The following TNRC6B variants were observed in gnomAD, a reference collection of about 807,000 sequenced individuals.
TNRC6B encodes trinucleotide repeat-containing gene 6B protein.
Under a neutral mutation model 203.6 loss-of-function variants are expected in TNRC6B, and 52 were observed. The ratio of observed to expected loss-of-function variants is 0.26; its 90% CI spans 0.20 to 0.32. The LOEUF is 0.32. Ranked by LOEUF, TNRC6B falls within the 10% of genes least tolerant of loss-of-function variation. The pLI, the probability that TNRC6B is intolerant of heterozygous loss-of-function variation, is 1.00. For missense variants in TNRC6B, 1,923 were observed against 2,286.2 expected, an observed-to-expected ratio of 0.84 and a Z score of 3.24; for synonymous variants, 838 against 845.7, an observed-to-expected ratio of 0.99 and a Z score of 0.16.
intron 3 of TNRC6B, among the ~76,000 whole-genome samples, chr22:40,253,221 A>T (rs2070220101): frequency 6.7e-6 from 1 of 148,390 alleles, no homozygotes; most frequent in Non-Finnish European, 1.5e-5. Context: ...AGCTGGGACT[A>T]CAGGCACCCG....
chr22:40,311,498 G>A (rs912835323), intron 17 of TNRC6B, among the ~76,000 whole-genome samples: 17 of 151,616 alleles, frequency 1.1e-4, no homozygotes, highest in African/African-American at 3.9e-4. Flanking sequence ...CTGTGCATGC[G>A]TATTTGTGAC....
At chr22:40,175,229 T>C (rs534705816), upstream of TNRC6B, among the ~76,000 whole-genome samples, 1 of 151,748 alleles carries the variant, frequency 6.6e-6, no homozygotes, top group East Asian at 1.9e-4. Flanking sequence ...TGGTGGCATG[T>C]GTCTGTAATC....
intron 3 of TNRC6B, among the ~76,000 whole-genome samples, chr22:40,132,952 A>AT (rs2068562351): frequency 1.0e-5 from 1 of 96,180 alleles, no homozygotes; most frequent in African/African-American, 4.6e-5. Context: ...TCAAAAAAAA[A>AT]AAAAAAAAAA....
At chr22:40,278,067 G>T (rs889913531) in intron 9 of TNRC6B, 23 bp downstream of exon 9, 9 of 1,548,626 alleles carry the variant, frequency 5.8e-6, no homozygotes, top group Non-Finnish European at 7.9e-6. Context: ...CCGCTGAAAA[G>T]AATGGAGTAT....
intron 1 of TNRC6B, among the ~76,000 whole-genome samples, chr22:40,093,943 C>G (rs1188198421): frequency 1.3e-5 from 2 of 151,324 alleles, no homozygotes; most frequent in African/African-American, 2.5e-5. Flanking sequence ...TTCAAAATAA[C>G]TGGAAGAGTA....
chr22:40,069,754 C>T (rs946260191), intron 1 of TNRC6B, among the ~76,000 whole-genome samples: 3 of 152,196 alleles, frequency 2.0e-5, no homozygotes, highest in African/African-American at 7.2e-5. Flanking sequence ...CCCAAAAGTG[C>T]TGGGATTACA....
At chr22:40,242,733 T>G (rs2146466203) in intron 1 of TNRC6B, among the ~76,000 whole-genome samples, 1 of 151,046 alleles carries the variant, frequency 6.6e-6, no homozygotes, top group East Asian at 2.0e-4. Flanking sequence ...CCCGTCCCTA[T>G]TATTCTTAAT....
chr22:40,194,390 T>C (rs1374480560), intron 1 of TNRC6B, among the ~76,000 whole-genome samples: 1 of 152,184 alleles, frequency 6.6e-6, no homozygotes, highest in Non-Finnish European at 1.5e-5. Flanking sequence ...GCTGCTGAGC[T>C]TCTGTGCTTG....
In TNRC6B at chr22:40,324,135, A is replaced by G. The variant is rs747102102; in HGVS notation, c.*894A>G. ...CATTAAGATGAACAGAGTGCTTTTT[A>G]ATGATGAAAGCAGGGAGCTCCTTTC... On this transcript the variant is annotated 3_prime_UTR_variant, in exon 23 of 23. Coordinates refer to ENST00000454349, the MANE Select transcript of TNRC6B (RefSeq NM_001162501.2). 62 of 152,604 alleles carry G rather than the reference A, an allele frequency of 4.1e-4. No individual in the cohort carries two copies. Among genetic ancestry groups the G allele is most frequent in the African/African-American group, 1.5e-3 (61 of 41,432 alleles). 9.5% of individuals were successfully genotyped at this position (152,604 alleles called of 1,614,324 possible).
Position 40,298,839 on chromosome 22 carries a change from G to A in TNRC6B, c.3709-1616G>A, listed in dbSNP as rs377723008. On this transcript the variant is annotated intron_variant, in intron 12 of 22. Transcript: ENST00000454349. ...AAATTAGCCGGGCGCAGTGGCGGGC[G>A]CCTGTAGTCCCAGCTACTCGGGAGG... Among the ~76,000 whole-genome samples the A allele has an allele frequency of 1.4e-4, 22 of 152,170 alleles. No individual in the cohort carries two copies. The East Asian group carries it at 3.3e-3, about 23-fold the overall frequency.
chr22:40,099,852 G>A (rs930904438), intron 1 of TNRC6B, among the ~76,000 whole-genome samples: 2 of 151,330 alleles, frequency 1.3e-5, no homozygotes, highest in African/African-American at 2.4e-5. Context: ...TCGGGCTCAC[G>A]CCATTCTCCT....
intron 1 of TNRC6B, among the ~76,000 whole-genome samples, chr22:40,240,690 G>T (rs2070016345): frequency 1.3e-5 from 2 of 152,174 alleles, no homozygotes; most frequent in Admixed American, 6.5e-5. Context: ...TTTACATCTG[G>T]CTGTATATTT....
In TNRC6B at chr22:40,266,149, C is replaced by G. The variant is rs1213854747; in HGVS notation, c.1919C>G (p.Pro640Arg). 6.2e-7 allele frequency: 1 copy of G among 1,613,918 alleles called. No individual in the cohort carries two copies. The highest frequency in any genetic ancestry group is 1.1e-5 in the South Asian group (1 of 91,084). Residue 640 changes from proline to arginine, a missense_variant, in exon 5 of 23, where the codon CCA (proline) becomes CGA (arginine). Pro to Arg is a moderately radical substitution (Grantham distance 103). Transcript: ENST00000454349. ...QDTVWDIEEV[P>R]RPEGKSDKGT... ...ACAGTGTGGGACATTGAAGAGGTGC[C>G]AAGGCCTGAGGGGAAATCTGACAAA...
At chr22:40,074,201 C>T (rs1903536339) in intron 1 of TNRC6B, among the ~76,000 whole-genome samples, 1 of 145,272 alleles carries the variant, frequency 6.9e-6, no homozygotes, top group African/African-American at 2.6e-5. Context: ...CACTGCTCTC[C>T]AGCCTCGGTG....
intron 1 of TNRC6B, among the ~76,000 whole-genome samples, chr22:40,076,835 A>T (rs2068018623): frequency 6.6e-6 from 1 of 152,150 alleles, no homozygotes; most frequent in African/African-American, 2.4e-5. Context: ...GTATCTTTAA[A>T]GCCTTAAAAA....
At chr22:40,172,526 A>T (rs2069011355) in intron 4 of TNRC6B, among the ~76,000 whole-genome samples, 1 of 152,190 alleles carries the variant, frequency 6.6e-6, no homozygotes, top group Admixed American at 6.5e-5. Flanking sequence ...TGTAAAGCCT[A>T]TGTGGTCATA....
chr22:40,108,118 G>A (rs1441616424), intron 1 of TNRC6B, among the ~76,000 whole-genome samples: 1 of 152,148 alleles, frequency 6.6e-6, no homozygotes, highest in Non-Finnish European at 1.5e-5. Context: ...TTTGCAGTTA[G>A]TAAACACAGC....
rs1015110329 is a variant in TNRC6B at position 40,062,445 on chromosome 22, G to A, written c.-121+17447G>A. 7.9e-5 allele frequency among the ~76,000 whole-genome samples: 12 copies of A among 152,252 alleles called. No individual in the cohort carries two copies. The East Asian group carries it at 2.1e-3, about 27-fold the overall frequency. On this transcript the variant is annotated intron_variant, in intron 1 of 23. Coordinates refer to the TNRC6B transcript ENST00000301923. ...GCTGGTCTCAAACTCCTGACCTCAG[G>A]TGATCTGCCCATCTCGGCCTCCCAA...
intron 1 of TNRC6B, among the ~76,000 whole-genome samples, chr22:40,081,130 G>C (rs1021463107): frequency 6.6e-6 from 1 of 152,036 alleles, no homozygotes; most frequent in African/African-American, 2.4e-5. Flanking sequence ...CAAATTGCTG[G>C]GATTACAGGC....
Sources: gnomAD v4.1 joint callset for allele counts (sites outside exome capture counted in the v4.1 genomes callset) on GRCh38, gnomAD v4.1.1 for gene constraint, MANE v1.5 for transcripts, NCBI Gene and HGNC (gene_info 2026-07-23, HGNC 2026-07-21) for gene names.